SH3RF3: variants seen among roughly 807,000 people sequenced by gnomAD.
SH3RF3 encodes E3 ubiquitin-protein ligase SH3RF3.
In SH3RF3, 29 loss-of-function variants were observed where a neutral mutation model predicts 66.3. The ratio of observed to expected loss-of-function variants is 0.44; its 90% confidence interval spans 0.33 to 0.60. SH3RF3 has a LOEUF of 0.60. SH3RF3 is among the 20% of genes least tolerant of loss of function. The pLI, the probability that SH3RF3 is intolerant of heterozygous loss-of-function variation, is 0.04. For synonymous variants in SH3RF3, 583 were observed against 532.0 expected, an observed-to-expected ratio of 1.10 and a Z score of -1.32; for missense variants, 1,194 against 1,190.9, an observed-to-expected ratio of 1.00 and a Z score of -0.04.
At chr2:109,497,361 G>T (rs1277721779) in intron 9 of SH3RF3, among the ~76,000 whole-genome samples, 1 of 152,212 alleles carries the variant, frequency 6.6e-6, no homozygotes. Flanking sequence ...AGACTCTGTT[G>T]TCAGGGAGGG....
chr2:109,159,878 G>A (rs1379569891), intron 1 of SH3RF3, among the ~76,000 whole-genome samples: 2 of 152,182 alleles, frequency 1.3e-5, no homozygotes, highest in African/African-American at 2.4e-5. Context: ...CTGTCTAGTT[G>A]CAGAAAAGCA....
intron 1 of SH3RF3, among the ~76,000 whole-genome samples, chr2:109,176,286 G>A (rs1677912196): frequency 6.6e-6 from 1 of 152,214 alleles, no homozygotes; most frequent in South Asian, 2.1e-4. Context: ...AGAGGAGGAA[G>A]CCAATTAATT....
intron 1 of SH3RF3, among the ~76,000 whole-genome samples, chr2:109,171,354 C>T (rs1485257859): frequency 1.3e-5 from 2 of 152,132 alleles, no homozygotes; most frequent in African/African-American, 2.4e-5. Flanking sequence ...TTTGTCATCT[C>T]TATACAAAAT....
At position 109,361,622 on chromosome 2, in the gene SH3RF3, C is replaced by T. The variant is rs146820827; in HGVS notation, c.850-9964C>T. Among the ~76,000 whole-genome samples, 936 of 152,200 alleles carry T rather than the reference C, an allele frequency of 6.1e-3. 6 individuals are homozygous for T. Among genetic ancestry groups the T allele is most frequent in the South Asian group, 0.013 (62 of 4,820 alleles). Reference sequence around the variant, plus strand: ...CCAAGTAGCTGGGACTACAGGCATACGCCACCATGCCCGGCTAATTTTTTT... The same window carrying T: ...CCAAGTAGCTGGGACTACAGGCATATGCCACCATGCCCGGCTAATTTTTTT... On this transcript the variant is annotated intron_variant, in intron 2 of 9. Coordinates refer to ENST00000309415, the MANE Select transcript of SH3RF3 (RefSeq NM_001099289.3).
Position 109,305,849 on chromosome 2 carries a change from A to G in SH3RF3, c.574-41825A>G, listed in dbSNP as rs935635067. 9.8e-5 allele frequency among the ~76,000 whole-genome samples: 15 copies of G among 152,344 alleles called. No individual in the cohort carries two copies. In the East Asian group the frequency reaches 2.5e-3, roughly 26 times the overall value. On this transcript the variant is annotated intron_variant, in intron 1 of 9. Coordinates refer to ENST00000309415, the MANE Select transcript of SH3RF3 (RefSeq NM_001099289.3). ...CTCTCACTGAGAAAGAGCAGGTGAC[A>G]GAGAAGAAAGCAATCCACGCAGAGC... is the stretch of plus-strand genomic sequence containing the variant.
chr2:109,252,601 C>T (rs1280401699), intron 1 of SH3RF3, among the ~76,000 whole-genome samples: 3 of 152,158 alleles, frequency 2.0e-5, no homozygotes, highest in African/African-American at 7.2e-5. Flanking sequence ...GGATTATGTC[C>T]TGATAAACCC....
chr2:109,328,830 T>G (rs894976250), intron 1 of SH3RF3, among the ~76,000 whole-genome samples: 1 of 152,270 alleles, frequency 6.6e-6, no homozygotes, highest in Admixed American at 6.5e-5. Context: ...GAACACAGTG[T>G]TATCCAGAGG....
chr2:109,170,431 C>T (rs1199292553), intron 1 of SH3RF3, among the ~76,000 whole-genome samples: 5 of 151,906 alleles, frequency 3.3e-5, no homozygotes, highest in African/African-American at 7.3e-5. Context: ...CTGCAACCTC[C>T]GCCTCCCGGG....
intron 1 of SH3RF3, among the ~76,000 whole-genome samples, chr2:109,285,010 C>T (rs1034794957): frequency 2.6e-5 from 4 of 152,244 alleles, no homozygotes; most frequent in Admixed American, 6.5e-5. Context: ...TCTGGGAGGA[C>T]GTTGTCTGTG....
chr2:109,230,470 C>T (rs995716024), intron 1 of SH3RF3, among the ~76,000 whole-genome samples: 1 of 152,086 alleles, frequency 6.6e-6, no homozygotes, highest in African/African-American at 2.4e-5. Context: ...ATCCCAGTTA[C>T]TCGGGGGGCT....
intron 1 of SH3RF3, among the ~76,000 whole-genome samples, chr2:109,139,402 C>T (rs114256462): frequency 1.1e-3 from 165 of 152,002 alleles, no homozygotes; most frequent in Non-Finnish European, 2.1e-3. Context: ...TAAACATGTG[C>T]AGTATGAAAG....
At chr2:109,185,757 A>G (rs1373647753) in intron 1 of SH3RF3, among the ~76,000 whole-genome samples, 1 of 152,246 alleles carries the variant, frequency 6.6e-6, no homozygotes, top group African/African-American at 2.4e-5. Context: ...CCAGGATTTT[A>G]TATTGTGATT....
chr2:109,485,388 C>A (rs1372391902), intron 8 of SH3RF3, among the ~76,000 whole-genome samples: 1 of 152,174 alleles, frequency 6.6e-6, no homozygotes, highest in Non-Finnish European at 1.5e-5. Flanking sequence ...AAATTGTATT[C>A]CCTTTGGCTC....
intron 1 of SH3RF3, among the ~76,000 whole-genome samples, chr2:109,293,635 T>C (rs1371434739): frequency 6.6e-6 from 1 of 152,224 alleles, no homozygotes; most frequent in Non-Finnish European, 1.5e-5. Context: ...GACTCCTTCA[T>C]TTGTCTTTGG....
chr2:109,141,095 T>C (rs1041402194), intron 1 of SH3RF3, among the ~76,000 whole-genome samples: 1 of 152,178 alleles, frequency 6.6e-6, no homozygotes, highest in Non-Finnish European at 1.5e-5. Context: ...CCATCCTTGG[T>C]GCTCATTTTA....
intron 1 of SH3RF3, among the ~76,000 whole-genome samples, chr2:109,260,902 C>T (rs1242316697): frequency 6.6e-6 from 1 of 152,184 alleles, no homozygotes; most frequent in Non-Finnish European, 1.5e-5. Context: ...GAACCCCATC[C>T]TGCCTCTGCT....
rs1441724336 is a variant in SH3RF3 at position 109,398,742 on chromosome 2, T to C, written c.1098T>C (p.Phe366=). The C allele has an allele frequency of 1.2e-6, 2 of 1,613,518 alleles. No homozygotes were observed. The highest frequency in any genetic ancestry group is 4.5e-5 in the East Asian group (2 of 44,858). The change falls in exon 4 of 10, where the codon TTT becomes TTC. Residue 366 remains phenylalanine (F), a synonymous_variant. Coordinates refer to ENST00000309415, the MANE Select transcript of SH3RF3 (RefSeq NM_001099289.3). ...GCAGCTCAGGGGCGGTCAGTGCCTTTCAGCGGCGTGTGGATGGCAAGAAGA... is the reference window on the plus strand; with the variant it reads ...GCAGCTCAGGGGCGGTCAGTGCCTTCCAGCGGCGTGTGGATGGCAAGAAGA... ...TLSSSGAVSA[F]QRRVDGKKNT...
intron 5 of SH3RF3, among the ~76,000 whole-genome samples, chr2:109,421,361 A>T (rs1220832140): frequency 6.6e-6 from 1 of 152,200 alleles, no homozygotes; most frequent in African/African-American, 2.4e-5. Flanking sequence ...GTTCTATGAG[A>T]GCAAAGGCCT....
chr2:109,272,390 C>T (rs1010347687), intron 1 of SH3RF3, among the ~76,000 whole-genome samples: 1 of 152,228 alleles, frequency 6.6e-6, no homozygotes, highest in African/African-American at 2.4e-5. Context: ...ACTGTGCAGG[C>T]ACCATGAGGG....
Sources: gnomAD v4.1 joint callset for allele counts (sites outside exome capture counted in the v4.1 genomes callset) on GRCh38, gnomAD v4.1.1 for gene constraint, MANE v1.5 for transcripts, NCBI Gene and HGNC (gene_info 2026-07-23, HGNC 2026-07-21) for gene names.